Variants in MRTFA observed in about 807,000 individuals in gnomAD.
MRTFA encodes myocardin related transcription factor A.
A neutral mutation model predicts 83.5 loss-of-function variants in MRTFA; 20 were observed. The ratio of observed to expected loss-of-function variants is 0.24; its 90% CI spans 0.17 to 0.35. MRTFA has a LOEUF of 0.35. Among genes scored for constraint, MRTFA ranks in the 10% least tolerant of loss-of-function variants. MRTFA has a pLI of 1.00. For missense variants in MRTFA, 1,200 were observed against 1,224.7 expected, an observed-to-expected ratio of 0.98 and a Z score of 0.30; for synonymous variants, 659 against 541.2, an observed-to-expected ratio of 1.22 and a Z score of -3.02.
intron 3 of MRTFA, among the ~76,000 whole-genome samples, chr22:40,473,126 T>C (rs1602301002): frequency 6.6e-6 from 1 of 152,290 alleles, no homozygotes; most frequent in South Asian, 2.1e-4. Context: ...TTCTCTTTTA[T>C]ATACAGTGTA....
At chr22:40,485,421 T>A (rs113307960) in intron 3 of MRTFA, among the ~76,000 whole-genome samples, 41 of 152,170 alleles carry the variant, frequency 2.7e-4, no homozygotes, top group African/African-American at 9.4e-4. Flanking sequence ...CAGCTGGGGA[T>A]CATTAAACTG....
chr22:40,615,952 T>A (rs1420372610), intron 1 of MRTFA, among the ~76,000 whole-genome samples: 3 of 152,244 alleles, frequency 2.0e-5, no homozygotes, highest in African/African-American at 7.2e-5. Context: ...CCCAAAGTGC[T>A]GGGATTACAG....
At chr22:40,491,171 A>G (rs1020901527) in intron 3 of MRTFA, among the ~76,000 whole-genome samples, 14 of 152,278 alleles carry the variant, frequency 9.2e-5, no homozygotes, top group Middle Eastern at 6.8e-3. Flanking sequence ...GCAAAACCCC[A>G]TCTCTACAAA....
intron 4 of MRTFA, among the ~76,000 whole-genome samples, chr22:40,461,648 A>G (rs2053715610): frequency 6.7e-6 from 1 of 149,814 alleles, no homozygotes; most frequent in Non-Finnish European, 1.5e-5. Context: ...AAAAAAAAAA[A>G]ATTAGCCAGG....
intron 2 of MRTFA, among the ~76,000 whole-genome samples, chr22:40,562,165 C>T (rs988835691): frequency 2.0e-5 from 3 of 150,428 alleles, no homozygotes; most frequent in East Asian, 2.0e-4. Flanking sequence ...TCCAGTGAGC[C>T]GAGATCGTGC....
intron 3 of MRTFA, chr22:40,522,894 C>T (rs1490537316): frequency 6.6e-6 from 1 of 152,134 alleles, no homozygotes; most frequent in African/African-American, 2.4e-5. Flanking sequence ...CCTTCAGCAA[C>T]ACAGAGGGGT....
At chr22:40,633,027 T>C (rs1446450748) in intron 1 of MRTFA, among the ~76,000 whole-genome samples, 2 of 152,040 alleles carry the variant, frequency 1.3e-5, no homozygotes, top group African/African-American at 2.4e-5. Flanking sequence ...AATGTCCCCC[T>C]TCTTCCAAAA....
At position 40,466,783 on chromosome 22, in the gene MRTFA, G is replaced by T. The variant is rs185829683; in HGVS notation, c.242-3497C>A. ...TCTTAAGTAAACCATATATGAATAG[G>T]GCCATAGGGATATTACATAAACTTC... On this transcript the variant is annotated intron_variant, in intron 3 of 14. Coordinates refer to ENST00000355630, the MANE Select transcript of MRTFA (RefSeq NM_020831.6). 8.8e-4 allele frequency among the ~76,000 whole-genome samples: 134 copies of T among 151,958 alleles called. 1 individual carries two copies. In the Middle Eastern group the frequency reaches 0.02, roughly 23 times the overall value.
rs762758238 is a variant in MRTFA, at chr22:40,418,469, T to G, written c.2269A>C (p.Thr757Pro). ...GTCCCTGTGGAGTCGGTGATGAGGG[T>G]GGGAGGTGCAACCCCCTTGATGAGG... Residue 757 changes from threonine (T) to proline (P), a missense_variant, in exon 12 of 15, where the codon ACC (threonine) becomes CCC (proline). Transcript: ENST00000355630. 24 of 1,613,270 alleles carry G rather than the reference T, an allele frequency of 1.5e-5. No homozygotes were observed. The highest frequency in any genetic ancestry group is 1.1e-4 in the East Asian group (5 of 44,830).
rs777499411 is a variant in MRTFA at position 40,418,845 on chromosome 22, G to T, written c.1893C>A (p.Asp631Glu). 120 of 1,612,116 alleles carry T rather than the reference G, an allele frequency of 7.4e-5. No individual in the cohort carries two copies. Among genetic ancestry groups the T allele is most frequent in the Non-Finnish European group, 9.4e-5 (111 of 1,179,828 alleles). The change falls in exon 12 of 15, where the codon GAC becomes GAA. Residue 631 changes from aspartate to glutamate, a missense_variant. Physicochemically the swap from Asp to Glu is conservative, Grantham distance 45 (BLOSUM62 2). Coordinates refer to ENST00000355630, the MANE Select transcript of MRTFA (RefSeq NM_020831.6). Reference sequence around the variant, plus strand: ...TGCGCGTCAGCGCCTCGATCTGCTTGTCTTTCTCCTGCAGCATCTGGTCCT... The same window carrying T: ...TGCGCGTCAGCGCCTCGATCTGCTTTTCTTTCTCCTGCAGCATCTGGTCCT...
intron 3 of MRTFA, among the ~76,000 whole-genome samples, chr22:40,548,357 T>TTAA (rs1174393049): frequency 1.7e-4 from 1 of 5,912 alleles, no homozygotes; most frequent in African/African-American, 1.3e-3. Flanking sequence ...AGACTCCGTC[T>TTAA]CAAAAAAAAA....
At chr22:40,497,964 T>A (rs2054384464) in intron 3 of MRTFA, among the ~76,000 whole-genome samples, 1 of 151,564 alleles carries the variant, frequency 6.6e-6, no homozygotes, top group African/African-American at 2.4e-5. Context: ...CAAAACTCAG[T>A]CTCTACAAAA....
At chr22:40,607,870 A>C (rs1005444613) in intron 1 of MRTFA, among the ~76,000 whole-genome samples, 1 of 152,160 alleles carries the variant, frequency 6.6e-6, no homozygotes, top group African/African-American at 2.4e-5. Context: ...TTTAACATCA[A>C]TTCTATTGTT....
In MRTFA at chr22:40,418,575, C is replaced by G; in HGVS notation, c.2163G>C (p.Val721=). 6.4e-7 allele frequency: 1 copy of G among 1,556,162 alleles called. No homozygotes were observed. Among genetic ancestry groups the G allele is most frequent in the East Asian group, 2.2e-5 (1 of 44,602 alleles). Residue 721 remains valine, a synonymous_variant, in exon 12 of 15, where the codon GTG becomes GTC. Transcript: ENST00000355630. ...GCTGCAAGGCTTCCTGCTTCACCAC[C>G]ACGGACGGGGGCCCCGGGGCCACAG...
At chr22:40,528,771 A>G (rs1453812094) in intron 3 of MRTFA, among the ~76,000 whole-genome samples, 2 of 151,758 alleles carry the variant, frequency 1.3e-5, no homozygotes, top group African/African-American at 4.8e-5. Flanking sequence ...GTTTTTTTAA[A>G]GGCTACATTA....
Position 40,594,699 on chromosome 22 carries a change from T to G in MRTFA, c.-47A>C, listed in dbSNP as rs1184892324. ...CTTGCTTACAATTCCCACAGACAGATGAAATTCAATTCCATGCCAACCATA... is the reference window on the plus strand; with the variant it reads ...CTTGCTTACAATTCCCACAGACAGAGGAAATTCAATTCCATGCCAACCATA... On this transcript the variant is annotated 5_prime_UTR_variant, in exon 2 of 15. Coordinates refer to ENST00000355630, the MANE Select transcript of MRTFA (RefSeq NM_020831.6). 2.0e-5 allele frequency: 3 copies of G among 152,202 alleles called. No individual in the cohort carries two copies. The highest frequency in any genetic ancestry group is 2.9e-5 in the Non-Finnish European group (2 of 67,994). The allele number at this position is 152,202 out of a possible 1,614,324, so 9.4% of individuals were successfully genotyped here. A position where few individuals can be genotyped will look rare whatever the true frequency, so the allele number is the denominator to read the frequency against.
intron 2 of MRTFA, among the ~76,000 whole-genome samples, chr22:40,553,026 T>C (rs1317348845): frequency 6.6e-6 from 1 of 152,214 alleles, no homozygotes; most frequent in African/African-American, 2.4e-5. Flanking sequence ...TGGAAACTTA[T>C]ATAAAGGTGA....
At chr22:40,482,896 C>A (rs2054113957) in intron 3 of MRTFA, among the ~76,000 whole-genome samples, 1 of 151,964 alleles carries the variant, frequency 6.6e-6, no homozygotes, top group African/African-American at 2.4e-5. Context: ...TTGTGGGGGT[C>A]AAGGTGGGAG....
At chr22:40,630,896 C>A (rs1460170830) in intron 1 of MRTFA, among the ~76,000 whole-genome samples, 1 of 152,150 alleles carries the variant, frequency 6.6e-6, no homozygotes, top group South Asian at 2.1e-4. Context: ...TCCAGGTTAA[C>A]CTTGTCCCTC....
Sources: gnomAD v4.1 joint callset for allele counts (sites outside exome capture counted in the v4.1 genomes callset) on GRCh38, gnomAD v4.1.1 for gene constraint, MANE v1.5 for transcripts, NCBI Gene and HGNC (gene_info 2026-07-23, HGNC 2026-07-21) for gene names.